The following CCNY variants were observed in gnomAD, a reference collection of about 807,000 sequenced individuals.
CCNY encodes the protein cyclin Y, also known as cyclin-Y.
Under a neutral mutation model 42.8 loss-of-function variants are expected in CCNY, and 19 were observed. That is an observed-to-expected ratio of 0.44 (90% confidence interval 0.31 to 0.65). CCNY has a LOEUF of 0.65. Ranked by LOEUF, CCNY falls within the 30% of genes least tolerant of loss-of-function variation. The probability of loss-of-function intolerance (pLI) is 0.07; values close to 1 mark genes in which losing one functional copy is unlikely to be tolerated. For synonymous variants in CCNY, 165 were observed against 162.7 expected, an observed-to-expected ratio of 1.01 and a Z score of -0.11; for missense variants, 370 against 437.3, an observed-to-expected ratio of 0.85 and a Z score of 1.37.
At chr10:35,266,320 A>C (rs11010150) in intron 3 of CCNY, among the ~76,000 whole-genome samples, 1 of 146,996 alleles carries the variant, frequency 6.8e-6, no homozygotes, top group Non-Finnish European at 1.5e-5. Context: ...GGCTGGTCTC[A>C]AACTCCTGAC....
intron 9 of CCNY, among the ~76,000 whole-genome samples, chr10:35,567,463 C>T (rs888330963): frequency 6.6e-6 from 1 of 152,222 alleles, no homozygotes; most frequent in African/African-American, 2.4e-5. Flanking sequence ...CAGCCTTTCT[C>T]CTCTGCACCT....
At chr10:35,488,998 G>C (rs1046129012) in intron 2 of CCNY, among the ~76,000 whole-genome samples, 1 of 152,058 alleles carries the variant, frequency 6.6e-6, no homozygotes, top group Non-Finnish European at 1.5e-5. Context: ...ATATGACCTA[G>C]GCCGGGCACG....
chr10:35,486,484 C>G (rs1340188928), intron 2 of CCNY, among the ~76,000 whole-genome samples: 4 of 152,180 alleles, frequency 2.6e-5, no homozygotes, highest in East Asian at 1.9e-4. Flanking sequence ...CAGTTCCCCA[C>G]TTGTGTTACT....
At chr10:35,301,275 G>C (rs1835530397) in intron 3 of CCNY, among the ~76,000 whole-genome samples, 1 of 152,162 alleles carries the variant, frequency 6.6e-6, no homozygotes, top group Admixed American at 6.6e-5. Context: ...CAAATATATG[G>C]CCAATGTGTG....
In CCNY at chr10:35,342,392, C is replaced by G. The variant is rs116715147; in HGVS notation, c.154+5185C>G. Among the ~76,000 whole-genome samples the G allele has an allele frequency of 3.7e-3, 571 of 152,294 alleles. 1 individual carries two copies. Among genetic ancestry groups the G allele is most frequent in the African/African-American group, 0.013 (549 of 41,566 alleles). ...GCTGTCTGCAAGGTATGTGGAGACACCCCGACCAAGCATGTGACTTCATAT... is the reference window on the plus strand; with the variant it reads ...GCTGTCTGCAAGGTATGTGGAGACAGCCCGACCAAGCATGTGACTTCATAT... On this transcript the variant is annotated intron_variant, in intron 1 of 9. Transcript: ENST00000374704.
chr10:35,542,631 G>A (rs1358073684), intron 7 of CCNY, among the ~76,000 whole-genome samples: 1 of 152,178 alleles, frequency 6.6e-6, no homozygotes, highest in East Asian at 1.9e-4. Flanking sequence ...CCTTGGCAGG[G>A]CCCAGCCATT....
At position 35,530,811 on chromosome 10, in the gene CCNY, T is replaced by C. The variant is rs1840749002; in HGVS notation, c.579+568T>C. On this transcript the variant is annotated intron_variant, in intron 7 of 9. Coordinates refer to ENST00000374704, the MANE Select transcript of CCNY (RefSeq NM_145012.6). This position sits in a 1 kb window ranked among gnomAD's most constrained non-coding sequence, Gnocchi z 4.3. ...TTACAGCTGGGCTCCATGGCTCACG[T>C]CAGTAATTTCAGCACTTTGGGAGGT... Among the ~76,000 whole-genome samples, 1 of 152,112 alleles carries C rather than the reference T, an allele frequency of 6.6e-6. No homozygotes were observed. Among genetic ancestry groups the C allele is most frequent in the Admixed American group, 6.5e-5 (1 of 15,278 alleles).
chr10:35,265,324 A>G (rs1296912337), intron 3 of CCNY, among the ~76,000 whole-genome samples: 2 of 152,230 alleles, frequency 1.3e-5, no homozygotes, highest in African/African-American at 4.8e-5. Context: ...TCCTTGTCAA[A>G]GGAAAACAAA....
At chr10:35,346,915 C>A (rs1836317898) in intron 1 of CCNY, among the ~76,000 whole-genome samples, 1 of 152,224 alleles carries the variant, frequency 6.6e-6, no homozygotes, top group South Asian at 2.1e-4. Flanking sequence ...GTGTGAGCCA[C>A]CATGGGTTGC....
At position 35,569,858 on chromosome 10, in the gene CCNY, T is replaced by G. The variant is rs931984913; in HGVS notation, c.*688T>G. The stretch of plus-strand genomic sequence containing the variant: ...TCAACAATGGCGAAATTGACTGTAG[T>G]GCTGAACCAAAAGTATCCCTTTCCC... On this transcript the variant is annotated 3_prime_UTR_variant, in exon 10 of 10. Coordinates refer to ENST00000374704, the MANE Select transcript of CCNY (RefSeq NM_145012.6). The G allele has an allele frequency of 1.3e-5, 2 of 152,898 alleles. No individual in the cohort carries two copies. Among genetic ancestry groups the G allele is most frequent in the African/African-American group, 4.8e-5 (2 of 41,450 alleles). The allele number at this position is 152,898 out of a possible 1,614,324, so 9.5% of individuals were successfully genotyped here. A position where few individuals can be genotyped will look rare whatever the true frequency, so the allele number is the denominator to read the frequency against.
intron 1 of CCNY, among the ~76,000 whole-genome samples, chr10:35,426,119 A>G (rs1001624934): frequency 1.6e-3 from 199 of 124,362 alleles, no homozygotes; most frequent in African/African-American, 6.7e-3. Context: ...GCGCACACAC[A>G]CACACACACA....
intron 8 of CCNY, among the ~76,000 whole-genome samples, chr10:35,553,789 C>CT (rs1201223586): frequency 6.6e-6 from 1 of 152,076 alleles, no homozygotes; most frequent in Admixed American, 6.5e-5. Context: ...TCCCCTCACT[C>CT]TCTGGGCAGT....
chr10:35,488,251 A>T (rs1224634083), intron 2 of CCNY, among the ~76,000 whole-genome samples: 4 of 152,216 alleles, frequency 2.6e-5, no homozygotes, highest in Admixed American at 6.5e-5. Context: ...ACCTTTTAGA[A>T]ATACTGAAAT....
chr10:35,459,302 GT>G (rs775223294), intron 1 of CCNY, among the ~76,000 whole-genome samples: 2 of 151,948 alleles, frequency 1.3e-5, no homozygotes, highest in Non-Finnish European at 2.9e-5. Flanking sequence ...GACCAAGCTT[GT>G]CCAGCCTGCA....
At chr10:35,534,437 A>G (rs566987115) in intron 7 of CCNY, among the ~76,000 whole-genome samples, 29 of 152,334 alleles carry the variant, frequency 1.9e-4, no homozygotes, top group Admixed American at 7.2e-4. Context: ...AGCCACAGCA[A>G]TGGGAGAGGG....
chr10:35,537,393 G>A (rs1840908275), intron 7 of CCNY, among the ~76,000 whole-genome samples: 1 of 152,226 alleles, frequency 6.6e-6, no homozygotes, highest in Non-Finnish European at 1.5e-5. Context: ...TAGTGGAGCT[G>A]TGAGAAGAGG....
intron 4 of CCNY, among the ~76,000 whole-genome samples, chr10:35,524,465 G>A (rs1391340742): frequency 2.0e-5 from 3 of 152,184 alleles, no homozygotes; most frequent in African/African-American, 7.2e-5. Context: ...TAAGTCACAG[G>A]AAAACATCTG....
intron 3 of CCNY, among the ~76,000 whole-genome samples, chr10:35,509,057 T>G (rs1311875346): frequency 6.6e-6 from 1 of 152,218 alleles, no homozygotes; most frequent in Non-Finnish European, 1.5e-5. Context: ...TGTATCTCAG[T>G]ACTTCATTCC....
chr10:35,377,779 T>C (rs1457948011), intron 1 of CCNY, among the ~76,000 whole-genome samples: 1 of 152,232 alleles, frequency 6.6e-6, no homozygotes, highest in Non-Finnish European at 1.5e-5. Context: ...ACATACATTT[T>C]TATTTTAAAA....
Sources: allele counts gnomAD v4.1 joint callset (sites outside exome capture counted in the v4.1 genomes callset), GRCh38; gene constraint gnomAD v4.1.1; non-coding constraint Gnocchi (gnomAD v3.1); transcripts MANE v1.5; gene names NCBI Gene and HGNC (gene_info 2026-07-23, HGNC 2026-07-21).